The following MGST2 variants were observed in gnomAD, a reference collection of about 807,000 sequenced individuals.
The protein encoded by MGST2 is microsomal glutathione S-transferase 2.
In MGST2, 9 loss-of-function variants were observed where a neutral mutation model predicts 16.6. That is an observed-to-expected ratio of 0.54 (90% confidence interval 0.33 to 0.95). The LOEUF (loss-of-function observed/expected upper bound fraction) is 0.95. MGST2 is among the 40% of genes least tolerant of loss of function. The pLI, the probability that MGST2 is intolerant of heterozygous loss-of-function variation, is 0.03. For missense variants in MGST2, 159 were observed against 175.1 expected (o/e 0.91, Z 0.52); for synonymous variants, 79 against 68.0 (o/e 1.16, Z -0.79).
intron 5 of MGST2, among the ~76,000 whole-genome samples, chr4:139,724,280 G>A (rs1728378539): frequency 6.6e-6 from 1 of 152,196 alleles, no homozygotes; most frequent in Non-Finnish European, 1.5e-5. Context: ...CTTTCAGACT[G>A]TAAACTACAG....
intron 2 of MGST2, among the ~76,000 whole-genome samples, chr4:139,682,214 A>G (rs138894334): frequency 6.7e-6 from 1 of 149,610 alleles, no homozygotes; most frequent in Non-Finnish European, 1.5e-5. Flanking sequence ...AGAGAAAATC[A>G]TATATTATGT....
intron 5 of MGST2, among the ~76,000 whole-genome samples, chr4:139,728,966 G>A (rs1195331038): frequency 6.6e-6 from 1 of 152,102 alleles, no homozygotes; most frequent in Non-Finnish European, 1.5e-5. Flanking sequence ...ATTGGCTGAG[G>A]AGAGGATTTA....
At chr4:139,718,701 A>G (rs1728096492) in intron 5 of MGST2, 1 of 152,350 alleles carries the variant, frequency 6.6e-6, no homozygotes, top group South Asian at 2.1e-4. Context: ...GGGGCAGGAG[A>G]CAGACAGTCC....
chr4:139,691,144 C>T (rs541745440), intron 2 of MGST2, among the ~76,000 whole-genome samples: 1 of 152,268 alleles, frequency 6.6e-6, no homozygotes, highest in South Asian at 2.1e-4. Context: ...AGCCTGTTTT[C>T]CCATGGACAG....
At chr4:139,713,949 GCTTGCAAA>G (rs1222077867) in intron 5 of MGST2, among the ~76,000 whole-genome samples, 3 of 152,196 alleles carry the variant, frequency 2.0e-5, no homozygotes, top group African/African-American at 7.2e-5. Context: ...TTAATTTTGA[GCTTGCAAA>G]GGCTTTTAAC....
chr4:139,676,264 A>G (rs984733775), intron 1 of MGST2, among the ~76,000 whole-genome samples: 5 of 152,152 alleles, frequency 3.3e-5, no homozygotes, highest in Non-Finnish European at 5.9e-5. Context: ...GTTAAGTAGT[A>G]TCCCATTGTA....
In MGST2 at chr4:139,735,140, G is replaced by A. The variant is rs759339302; in HGVS notation, c.*49-5072G>A. Among the ~76,000 whole-genome samples the A allele has an allele frequency of 3.3e-5, 5 of 152,226 alleles. No individual in the cohort carries two copies. The highest frequency in any genetic ancestry group is 4.8e-5 in the African/African-American group (2 of 41,462). ...GAGCCAGGCAGTCAAGTGTTACTGC[G>A]TACAGCAGGTAGCCTGGCAACTGAG... On this transcript the variant is annotated intron_variant, in intron 5 of 5. Transcript: ENST00000616265. This position sits in a 1 kb window ranked among gnomAD's most constrained non-coding sequence, Gnocchi z 5.8.
intron 3 of MGST2, chr4:139,698,449 C>T (rs188438411): frequency 3.4e-6 from 4 of 1,167,408 alleles, no homozygotes; most frequent in East Asian, 2.3e-5. Flanking sequence ...GGTTTCTTCA[C>T]CCCTCCAGTA....
chr4:139,700,047 ATAAT>A (rs911481455), intron 3 of MGST2, among the ~76,000 whole-genome samples: 4 of 151,484 alleles, frequency 2.6e-5, no homozygotes, highest in African/African-American at 9.7e-5. Flanking sequence ...GAAAATAATA[ATAAT>A]TATCATTATA....
intron 2 of MGST2, among the ~76,000 whole-genome samples, chr4:139,686,439 C>G (rs1197919890): frequency 6.6e-6 from 1 of 152,226 alleles, no homozygotes; most frequent in Non-Finnish European, 1.5e-5. Context: ...CACTTTCCAT[C>G]ATGGCCTGAA....
intron 2 of MGST2, among the ~76,000 whole-genome samples, chr4:139,682,294 A>AT (rs1731290305): frequency 1.3e-5 from 2 of 151,588 alleles, no homozygotes; most frequent in African/African-American, 4.8e-5. Flanking sequence ...AGGGTATGGG[A>AT]TGGGTTCCTG....
intron 5 of MGST2, chr4:139,718,566 G>A (rs1579353067): frequency 6.6e-6 from 1 of 152,512 alleles, no homozygotes; most frequent in Non-Finnish European, 1.5e-5. Context: ...GCCCCACCTG[G>A]AGGGACTGCC....
chr4:139,731,744 G>A (rs946104404), intron 5 of MGST2, among the ~76,000 whole-genome samples: 1 of 152,230 alleles, frequency 6.6e-6, no homozygotes, highest in African/African-American at 2.4e-5. Context: ...TGGTCCTTAG[G>A]GAAGAGGAGG....
chr4:139,743,343 G>A (rs1335754794), downstream of MGST2, among the ~76,000 whole-genome samples: 1 of 152,152 alleles, frequency 6.6e-6, no homozygotes, highest in Non-Finnish European at 1.5e-5. Context: ...AAAGCTTCCC[G>A]GACACTAGGG....
At chr4:139,734,686 A>G (rs981908311) in intron 5 of MGST2, among the ~76,000 whole-genome samples, 1 of 152,276 alleles carries the variant, frequency 6.6e-6, no homozygotes, top group African/African-American at 2.4e-5. Flanking sequence ...CAGTTGTGGT[A>G]AAAATATCTC....
downstream of MGST2, among the ~76,000 whole-genome samples, chr4:139,744,929 A>T (rs1579385078): frequency 1.3e-5 from 2 of 152,356 alleles, no homozygotes; most frequent in East Asian, 3.9e-4. Flanking sequence ...CATGAGTTCT[A>T]GGCAGTGTTT....
intron 1 of MGST2, among the ~76,000 whole-genome samples, chr4:139,666,424 G>A (rs1730356336): frequency 6.6e-6 from 1 of 152,150 alleles, no homozygotes; most frequent in African/African-American, 2.4e-5. Flanking sequence ...GCAGGAAGTG[G>A]TGTGAATATT....
At chr4:139,671,388 C>T (rs1730684346) in intron 1 of MGST2, among the ~76,000 whole-genome samples, 1 of 152,156 alleles carries the variant, frequency 6.6e-6, no homozygotes. Flanking sequence ...AGGTTTTAAT[C>T]AACTCATAAG....
the MGST2 span, among the ~76,000 whole-genome samples, chr4:139,745,799 T>C: frequency 9.8e-5 from 15 of 152,338 alleles, no homozygotes; most frequent in African/African-American, 3.4e-4. Context: ...ACCTGGTTTT[T>C]GACAGGGAGT....
Sources: gnomAD v4.1 joint callset for allele counts (sites outside exome capture counted in the v4.1 genomes callset) on GRCh38, gnomAD v4.1.1 for gene constraint, Gnocchi (gnomAD v3.1) non-coding constraint, MANE v1.5 for transcripts, NCBI Gene and HGNC (gene_info 2026-07-23, HGNC 2026-07-21) for gene names.